Variants in RBMS2 observed in about 807,000 individuals in gnomAD.
The protein encoded by RBMS2 is RNA-binding motif, single-stranded-interacting protein 2.
RBMS2 carries 38 observed loss-of-function variants against 58.4 expected under a neutral mutation model. The ratio of observed to expected loss-of-function variants is 0.65; its 90% confidence interval spans 0.50 to 0.85. The LOEUF (loss-of-function observed/expected upper bound fraction) is 0.85, where lower values mean the gene tolerates loss of function less well. Ranked by LOEUF, RBMS2 falls within the 40% of genes least tolerant of loss-of-function variation. The pLI is 0.00. For missense variants in RBMS2, 367 were observed against 503.7 expected (o/e 0.73, Z 2.60); for synonymous variants, 151 against 180.7 (o/e 0.84, Z 1.32).
At chr12:56,550,698 TG>T (rs1438147828) in intron 1 of RBMS2, among the ~76,000 whole-genome samples, 1 of 151,716 alleles carries the variant, frequency 6.6e-6, no homozygotes, top group Non-Finnish European at 1.5e-5. Flanking sequence ...AAAAATTAGC[TG>T]GGTGTGGTGG....
intron 1 of RBMS2, among the ~76,000 whole-genome samples, chr12:56,548,491 G>C (rs1157788014): frequency 6.6e-6 from 1 of 152,110 alleles, no homozygotes; most frequent in Admixed American, 6.6e-5. Flanking sequence ...GACTGAAATA[G>C]TGCAAAGGAT....
At chr12:56,574,785 C>T (rs1282629408) in intron 5 of RBMS2, among the ~76,000 whole-genome samples, 1 of 152,122 alleles carries the variant, frequency 6.6e-6, no homozygotes, top group African/African-American at 2.4e-5. Context: ...ACTGTTACTT[C>T]GTTTAAAAAT....
At chr12:56,582,515 C>T (rs1884105010) in intron 9 of RBMS2, among the ~76,000 whole-genome samples, 1 of 152,182 alleles carries the variant, frequency 6.6e-6, no homozygotes, top group Non-Finnish European at 1.5e-5. Flanking sequence ...TCTCACTTAA[C>T]AGTATCCTAC....
At chr12:56,589,076 C>T (rs1016549486) in intron 13 of RBMS2, 58 bp downstream of exon 13, 59 of 1,611,988 alleles carry the variant, frequency 3.7e-5, no homozygotes, top group Non-Finnish European at 4.3e-5. Context: ...CAGCTCAGCC[C>T]GGCCTGAAGT....
At chr12:56,526,117 G>C (rs1186201792) in intron 1 of RBMS2, among the ~76,000 whole-genome samples, 2 of 151,468 alleles carry the variant, frequency 1.3e-5, no homozygotes, top group Non-Finnish European at 2.9e-5. Flanking sequence ...GACCAGCCTG[G>C]CCAACATGGT....
intron 1 of RBMS2, among the ~76,000 whole-genome samples, chr12:56,558,583 C>T (rs959281761): frequency 8.5e-3 from 118 of 13,878 alleles, no homozygotes; most frequent in South Asian, 0.032. Flanking sequence ...CTTCCTTTTT[C>T]TTTTTCCTTT....
At chr12:56,564,039 A>T (rs932183950) in intron 2 of RBMS2, among the ~76,000 whole-genome samples, 5 of 151,932 alleles carry the variant, frequency 3.3e-5, no homozygotes, top group Non-Finnish European at 7.4e-5. Context: ...ACAGAGAAGA[A>T]TCTTTTTTTT....
intron 1 of RBMS2, among the ~76,000 whole-genome samples, chr12:56,541,088 G>A (rs1408249531): frequency 2.9e-5 from 4 of 138,968 alleles, no homozygotes; most frequent in Non-Finnish European, 4.6e-5. Flanking sequence ...GCAGCAGAGT[G>A]AGACCTTGAC....
At chr12:56,529,494 G>T (rs898216607) in intron 1 of RBMS2, among the ~76,000 whole-genome samples, 2 of 152,130 alleles carry the variant, frequency 1.3e-5, no homozygotes, top group Non-Finnish European at 1.5e-5. Flanking sequence ...AGGCTGGGAG[G>T]TGGAGACTGC....
At chr12:56,528,335 G>C (rs1336244589) in intron 1 of RBMS2, among the ~76,000 whole-genome samples, 2 of 152,008 alleles carry the variant, frequency 1.3e-5, no homozygotes, top group East Asian at 3.8e-4. Context: ...GAATTTGTTA[G>C]TGTAAAGGTG....
intron 5 of RBMS2, among the ~76,000 whole-genome samples, chr12:56,576,706 A>G (rs1186769127): frequency 1.3e-5 from 2 of 151,996 alleles, no homozygotes; most frequent in African/African-American, 4.8e-5. Flanking sequence ...TTTATGGATC[A>G]TCTTGTCATA....
chr12:56,570,778 C>T (rs987574151), intron 4 of RBMS2, among the ~76,000 whole-genome samples: 14 of 152,118 alleles, frequency 9.2e-5, no homozygotes, highest in South Asian at 2.1e-4. Context: ...AGGGTTTCAC[C>T]GTGTTAGCCA....
chr12:56,540,398 G>T (rs574005352), intron 1 of RBMS2, among the ~76,000 whole-genome samples: 2 of 152,044 alleles, frequency 1.3e-5, no homozygotes, highest in South Asian at 4.2e-4. Context: ...TTGCAAAAGG[G>T]GATCTCACTT....
chr12:56,538,466 C>CTTT (rs58534515), intron 1 of RBMS2, among the ~76,000 whole-genome samples: 5 of 72,482 alleles, frequency 6.9e-5, no homozygotes, highest in African/African-American at 1.6e-4. Context: ...GTACTGATAT[C>CTTT]TTTTTTTTTT....
At chr12:56,562,641 C>T (rs1880634710) in intron 2 of RBMS2, 58 bp downstream of exon 2, 1 of 1,532,268 alleles carries the variant, frequency 6.5e-7, no homozygotes, top group Non-Finnish European at 9.0e-7. Flanking sequence ...GGTTTTGAGA[C>T]AGGGTCTCGT....
At chr12:56,569,076 T>C in intron 3 of RBMS2, 43 bp downstream of exon 3, 1 of 1,539,804 alleles carries the variant, frequency 6.5e-7, no homozygotes, top group East Asian at 2.2e-5. Context: ...CACCAGTAAG[T>C]GAGGCCATCC....
chr12:56,535,372 G>C (rs773414573), intron 1 of RBMS2, among the ~76,000 whole-genome samples: 7 of 151,860 alleles, frequency 4.6e-5, no homozygotes, highest in Non-Finnish European at 7.4e-5. Context: ...GTGCATGCCT[G>C]TGGTCCCAGC....
intron 1 of RBMS2, among the ~76,000 whole-genome samples, chr12:56,539,070 C>T (rs1040202250): frequency 2.7e-5 from 4 of 148,492 alleles, no homozygotes; most frequent in Non-Finnish European, 4.4e-5. Flanking sequence ...GGCTGGAGTG[C>T]GGTGGCGCAA....
At chr12:56,588,697 C>T in intron 12 of RBMS2, 1 of 593,502 alleles carries the variant, frequency 1.7e-6, no homozygotes, top group South Asian at 2.1e-5. Flanking sequence ...TACATTTGGC[C>T]AGCCAGTAGT....
Sources: allele counts gnomAD v4.1 joint callset (sites outside exome capture counted in the v4.1 genomes callset), GRCh38; gene constraint gnomAD v4.1.1; transcripts MANE v1.5; gene names NCBI Gene and HGNC (gene_info 2026-07-23, HGNC 2026-07-21).